Variants in TENM2 observed in about 807,000 individuals in gnomAD.
TENM2 encodes the protein teneurin transmembrane protein 2, also known as teneurin-2.
TENM2 carries 52 observed loss-of-function variants against 245.2 expected under a neutral mutation model. The ratio of observed to expected loss-of-function variants is 0.21; its 90% CI spans 0.17 to 0.27. The LOEUF (loss-of-function observed/expected upper bound fraction) is 0.27. Among genes scored for constraint, TENM2 ranks in the 10% least tolerant of loss-of-function variants. The pLI is 1.00. For synonymous variants in TENM2, 1,363 were observed against 1,438.9 expected, an observed-to-expected ratio of 0.95 and a Z score of 1.19; for missense variants, 3,046 against 3,666.8, an observed-to-expected ratio of 0.83 and a Z score of 4.37.
intron 2 of TENM2, among the ~76,000 whole-genome samples, chr5:167,728,345 G>A (rs1760173026): frequency 6.6e-6 from 1 of 151,870 alleles, no homozygotes; most frequent in South Asian, 2.1e-4. Flanking sequence ...GCTCACGCCT[G>A]TAATCCCAGC....
chr5:167,688,977 A>T (rs1404359428), intron 2 of TENM2, among the ~76,000 whole-genome samples: 1 of 152,182 alleles, frequency 6.6e-6, no homozygotes, highest in Non-Finnish European at 1.5e-5. Flanking sequence ...GCAACGGGGC[A>T]CATCGGAGTG....
At chr5:168,103,094 A>G (rs1020250251) in intron 9 of TENM2, among the ~76,000 whole-genome samples, 1 of 139,336 alleles carries the variant, frequency 7.2e-6, no homozygotes, top group South Asian at 2.2e-4. Context: ...ATGTGTTCTC[A>G]TTGTTCAATT....
At chr5:167,804,548 G>A (rs968494009) in intron 2 of TENM2, among the ~76,000 whole-genome samples, 10 of 151,886 alleles carry the variant, frequency 6.6e-5, no homozygotes, top group East Asian at 1.9e-4. Flanking sequence ...TTTCCTTTAC[G>A]TGCATTATCT....
intron 1 of TENM2, among the ~76,000 whole-genome samples, chr5:167,352,954 A>T (rs544428981): frequency 6.2e-4 from 95 of 152,348 alleles, no homozygotes; most frequent in Non-Finnish European, 1.2e-3. Context: ...GACAGGATCT[A>T]TGACTCATTA....
chr5:168,122,179 T>A (rs1202400994), intron 10 of TENM2, among the ~76,000 whole-genome samples: 1 of 152,002 alleles, frequency 6.6e-6, no homozygotes, highest in African/African-American at 2.4e-5. Flanking sequence ...GTCTTTTTTG[T>A]TTTGTTTTGT....
intron 2 of TENM2, among the ~76,000 whole-genome samples, chr5:167,848,891 C>T (rs1281571328): frequency 6.6e-6 from 1 of 152,154 alleles, no homozygotes; most frequent in East Asian, 1.9e-4. Context: ...CCACTTAAAG[C>T]AGGCTAGTTT....
chr5:167,987,359 T>G (rs1783323648), intron 4 of TENM2, among the ~76,000 whole-genome samples: 1 of 151,828 alleles, frequency 6.6e-6, no homozygotes, highest in Non-Finnish European at 1.5e-5. Flanking sequence ...TGGAGTTTCC[T>G]TCTTGTTGCC....
At chr5:167,872,296 TAGAAAGAAAGAAAGAAAGAAAGAA>T (rs56684638) in intron 2 of TENM2, among the ~76,000 whole-genome samples, 4,892 of 104,544 alleles carry the variant, frequency 0.047, 133 homozygotes, top group Middle Eastern at 0.071. Flanking sequence ...AAGAGAAAGA[TAGAAAGAAAGAAAGAAAGAAAGAA>T]AGAAAGAAAG....
intron 2 of TENM2, among the ~76,000 whole-genome samples, chr5:167,498,696 C>T (rs1214982640): frequency 6.6e-6 from 1 of 151,998 alleles, no homozygotes. Flanking sequence ...AAGATGCATC[C>T]TTTTGGCTCT....
At chr5:167,505,022 G>A (rs906188686) in intron 2 of TENM2, among the ~76,000 whole-genome samples, 3 of 152,094 alleles carry the variant, frequency 2.0e-5, no homozygotes, top group Non-Finnish European at 4.4e-5. Context: ...ATCTTATAAT[G>A]GGTTAAAGAG....
chr5:167,254,653 G>T, the TENM2 span, among the ~76,000 whole-genome samples: 2 of 152,190 alleles, frequency 1.3e-5, no homozygotes, highest in African/African-American at 4.8e-5. Context: ...AACTATAAAT[G>T]AGATTATTAC....
chr5:167,235,407 G>C, the TENM2 span, among the ~76,000 whole-genome samples: 2 of 152,156 alleles, frequency 1.3e-5, no homozygotes, highest in South Asian at 4.2e-4. Context: ...GTTCTCACAT[G>C]CGCAGCTCAA....
chr5:167,296,556 AAAAG>A (rs901868564), intron 1 of TENM2: 18 of 152,338 alleles, frequency 1.2e-4, no homozygotes, highest in South Asian at 2.1e-4. Flanking sequence ...CAAAAAGAAA[AAAAG>A]AAAGAAAGAA....
rs769318507 is a variant in TENM2 at position 167,719,285 on chromosome 5, G to A, written c.503-156701G>A. Among the ~76,000 whole-genome samples the A allele has an allele frequency of 1.8e-4, 28 of 152,154 alleles. No homozygotes were observed. In the Middle Eastern group the frequency reaches 9.5e-3, roughly 52 times the overall value. On this transcript the variant is annotated intron_variant, in intron 2 of 28. Coordinates refer to ENST00000518659, the Ensembl canonical transcript of TENM2. ...GCCTACATACTTGTGAAGACTCCGCGGGACCAAGTCCTGTTCTTCTGTCAA... is the reference window on the plus strand; with the variant it reads ...GCCTACATACTTGTGAAGACTCCGCAGGACCAAGTCCTGTTCTTCTGTCAA...
At position 167,736,876 on chromosome 5, in the gene TENM2, C is replaced by G. The variant is rs568289227; in HGVS notation, c.503-139110C>G. ...CTAACAAGGGGCTGAAGCAGCCACA[C>G]CAGACAATTCTGATGGGGAAGTCTG... On this transcript the variant is annotated intron_variant, in intron 2 of 28. Transcript: ENST00000518659. Among the ~76,000 whole-genome samples the G allele has an allele frequency of 3.3e-5, 5 of 152,228 alleles. No homozygotes were observed. In the South Asian group the frequency reaches 8.3e-4, roughly 25 times the overall value.
the TENM2 span, among the ~76,000 whole-genome samples, chr5:167,055,238 A>G: frequency 6.6e-6 from 1 of 151,924 alleles, no homozygotes; most frequent in African/African-American, 2.4e-5. Context: ...ATTTATTTTT[A>G]TTTTTTGCAT....
chr5:167,135,699 C>G, the TENM2 span, among the ~76,000 whole-genome samples: 4 of 152,102 alleles, frequency 2.6e-5, no homozygotes, highest in African/African-American at 9.7e-5. Context: ...CTCACTTGAA[C>G]CCAGGCGGAG....
chr5:167,101,334 G>T, the TENM2 span, among the ~76,000 whole-genome samples: 1 of 152,156 alleles, frequency 6.6e-6, no homozygotes, highest in East Asian at 1.9e-4. Flanking sequence ...TAAATATTAT[G>T]GAACACCATC....
intron 3 of TENM2, among the ~76,000 whole-genome samples, chr5:167,894,208 T>C (rs934427315): frequency 6.6e-6 from 1 of 152,174 alleles, no homozygotes; most frequent in African/African-American, 2.4e-5. Flanking sequence ...GATGGATGGA[T>C]AGATGATGAA....
Sources: allele counts gnomAD v4.1 joint callset (sites outside exome capture counted in the v4.1 genomes callset), GRCh38; gene constraint gnomAD v4.1.1; transcripts MANE v1.5; gene names NCBI Gene and HGNC (gene_info 2026-07-23, HGNC 2026-07-21).